PTPRT: variants seen among roughly 807,000 people sequenced by gnomAD.
PTPRT encodes receptor-type tyrosine-protein phosphatase T.
Under a neutral mutation model 176.8 loss-of-function variants are expected in PTPRT, and 56 were observed. That is an observed-to-expected ratio of 0.32 (90% CI 0.26 to 0.40). The LOEUF (loss-of-function observed/expected upper bound fraction) is 0.40, where lower values mean the gene tolerates loss of function less well. Among genes scored for constraint, PTPRT ranks in the 10% least tolerant of loss-of-function variants. PTPRT has a pLI of 1.00. For synonymous variants in PTPRT, 783 were observed against 739.0 expected (o/e 1.06, Z -0.96); for missense variants, 1,540 against 1,908.2 (o/e 0.81, Z 3.60).
chr20:42,109,932 G>T (rs1986858023), intron 23 of PTPRT, among the ~76,000 whole-genome samples: 1 of 152,178 alleles, frequency 6.6e-6, no homozygotes, highest in Non-Finnish European at 1.5e-5. Context: ...AAAGCACTGG[G>T]CATGGGGGGG....
At chr20:42,254,689 C>T (rs1163076730) in intron 13 of PTPRT, among the ~76,000 whole-genome samples, 1 of 152,182 alleles carries the variant, frequency 6.6e-6, no homozygotes, top group Non-Finnish European at 1.5e-5. Context: ...TCAGCTAAGG[C>T]TAAAGCCCAG....
chr20:42,836,895 TC>T (rs1207907341), intron 2 of PTPRT, among the ~76,000 whole-genome samples: 2 of 152,208 alleles, frequency 1.3e-5, no homozygotes, highest in Admixed American at 1.3e-4. Context: ...CGTGCTACCA[TC>T]CCCATATCAA....
In PTPRT at chr20:43,075,657, A is replaced by C. The variant is rs565057515; in HGVS notation, c.88+113989T>G. On this transcript the variant is annotated intron_variant, in intron 1 of 30. Coordinates refer to ENST00000373187, the MANE Select transcript of PTPRT (RefSeq NM_007050.6). ...GAATAAATCTTCCCTGACTTTGGTT[A>C]GGCAACTTAGACCATTCCCCTGACT... Among the ~76,000 whole-genome samples the C allele has an allele frequency of 5.5e-4, 83 of 152,248 alleles. 1 individual carries two copies. Among genetic ancestry groups the C allele is most frequent in the Non-Finnish European group, 9.0e-4 (61 of 68,042 alleles).
At chr20:43,125,673 C>A (rs538140809) in intron 1 of PTPRT, among the ~76,000 whole-genome samples, 32 of 152,260 alleles carry the variant, frequency 2.1e-4, no homozygotes, top group African/African-American at 7.5e-4. Flanking sequence ...GAAACCCATT[C>A]TTTGTCTTTG....
chr20:42,710,872 A>C (rs1343916996), intron 6 of PTPRT, among the ~76,000 whole-genome samples: 1 of 152,244 alleles, frequency 6.6e-6, no homozygotes, highest in Non-Finnish European at 1.5e-5. Flanking sequence ...CAGGGACAGG[A>C]ATGCCCAAGG....
intron 15 of PTPRT, among the ~76,000 whole-genome samples, chr20:42,200,377 C>T (rs11905019): frequency 0.041 from 6,216 of 152,244 alleles, 400 homozygotes; most frequent in African/African-American, 0.14. Context: ...CACAGTGCCT[C>T]GCACATAGTG....
intron 6 of PTPRT, among the ~76,000 whole-genome samples, chr20:42,705,766 G>A (rs1242062036): frequency 6.6e-6 from 1 of 152,078 alleles, no homozygotes; most frequent in Non-Finnish European, 1.5e-5. Flanking sequence ...TTTCTGTTAT[G>A]TCTACTCTTC....
At chr20:42,817,046 T>C (rs2077799335) in intron 2 of PTPRT, among the ~76,000 whole-genome samples, 2 of 152,200 alleles carry the variant, frequency 1.3e-5, no homozygotes, top group African/African-American at 4.8e-5. Flanking sequence ...AAGTAAACTA[T>C]AGCATCTGAA....
At chr20:42,323,521 A>G (rs1183921572) in intron 11 of PTPRT, among the ~76,000 whole-genome samples, 1 of 152,046 alleles carries the variant, frequency 6.6e-6, no homozygotes, top group Non-Finnish European at 1.5e-5. Flanking sequence ...CAAAAAACCA[A>G]ACACCGCATG....
intron 1 of PTPRT, among the ~76,000 whole-genome samples, chr20:43,005,650 G>C (rs1264995599): frequency 2.0e-5 from 3 of 152,132 alleles, no homozygotes; most frequent in Non-Finnish European, 4.4e-5. Flanking sequence ...TCAGAAAGCT[G>C]ACCCTGTGTC....
intron 7 of PTPRT, among the ~76,000 whole-genome samples, chr20:42,624,207 A>T (rs2074252216): frequency 6.6e-6 from 1 of 152,144 alleles, no homozygotes; most frequent in Admixed American, 6.5e-5. Flanking sequence ...GGCATTATTT[A>T]TAATAATTGG....
chr20:42,476,846 C>G (rs902881271), intron 7 of PTPRT, among the ~76,000 whole-genome samples: 16 of 152,196 alleles, frequency 1.1e-4, no homozygotes, highest in African/African-American at 3.4e-4. Context: ...GTAACTTACC[C>G]AGGGCCACAT....
intron 7 of PTPRT, among the ~76,000 whole-genome samples, chr20:42,604,215 TC>T (rs1376320654): frequency 6.6e-6 from 1 of 152,026 alleles, no homozygotes; most frequent in Non-Finnish European, 1.5e-5. Context: ...CCTCCATTTG[TC>T]CCCCCGCTCT....
intron 9 of PTPRT, among the ~76,000 whole-genome samples, chr20:42,381,414 G>A (rs1448899813): frequency 6.6e-6 from 1 of 152,110 alleles, no homozygotes; most frequent in Admixed American, 6.5e-5. Flanking sequence ...GTTCAGCTTG[G>A]TGGCAGCTCC....
intron 2 of PTPRT, among the ~76,000 whole-genome samples, chr20:42,872,323 A>G (rs1399122909): frequency 6.6e-6 from 1 of 152,232 alleles, no homozygotes; most frequent in East Asian, 1.9e-4. Flanking sequence ...GTGGGGAAAT[A>G]AATTCTGGAG....
intron 13 of PTPRT, among the ~76,000 whole-genome samples, chr20:42,258,885 T>G (rs1026615007): frequency 1.3e-5 from 2 of 152,178 alleles, no homozygotes; most frequent in Non-Finnish European, 2.9e-5. Context: ...GAAAACCACT[T>G]AATAAGTACT....
intron 7 of PTPRT, among the ~76,000 whole-genome samples, chr20:42,580,024 T>G (rs2073341341): frequency 6.6e-6 from 1 of 152,244 alleles, no homozygotes; most frequent in African/African-American, 2.4e-5. Context: ...TCCTAGGGTT[T>G]TTATGGCTTT....
At chr20:42,501,827 G>C (rs189431603) in intron 7 of PTPRT, among the ~76,000 whole-genome samples, 2 of 151,816 alleles carry the variant, frequency 1.3e-5, no homozygotes, top group Non-Finnish European at 2.9e-5. Context: ...CTTGAATTTT[G>C]TTCTTATGTA....
intron 7 of PTPRT, among the ~76,000 whole-genome samples, chr20:42,663,306 A>C (rs1246587875): frequency 2.0e-5 from 3 of 152,088 alleles, no homozygotes; most frequent in Non-Finnish European, 4.4e-5. Flanking sequence ...GAGGAAACAG[A>C]AAGAGGTGAA....
Sources: allele counts gnomAD v4.1 joint callset (sites outside exome capture counted in the v4.1 genomes callset), GRCh38; gene constraint gnomAD v4.1.1; transcripts MANE v1.5; gene names NCBI Gene and HGNC (gene_info 2026-07-23, HGNC 2026-07-21).